The following PIK3C2A variants were observed in gnomAD, a reference collection of about 807,000 sequenced individuals.
PIK3C2A encodes phosphatidylinositol 4-phosphate 3-kinase C2 domain-containing subunit alpha.
In PIK3C2A, 97 loss-of-function variants were observed where a neutral mutation model predicts 204.5. That is an observed-to-expected ratio of 0.47 (90% CI 0.40 to 0.56). The LOEUF is 0.56. PIK3C2A is among the 20% of genes least tolerant of loss of function. PIK3C2A has a pLI of 0.00. For missense variants in PIK3C2A, 1,735 were observed against 1,969.2 expected (o/e 0.88, Z 2.25); for synonymous variants, 653 against 664.4 (o/e 0.98, Z 0.26).
rs1241231530 is a variant in PIK3C2A, at chr11:17,163,547, T to C, written c.1065+5130A>G. On this transcript the variant is annotated intron_variant, in intron 2 of 32. Coordinates refer to ENST00000691414, the MANE Select transcript of PIK3C2A (RefSeq NM_002645.4). ...TTCTTGAGTAGCTGGGACTACAGAA[T>C]AGCTGTAGTCCCAGCGTGCATCACC... Among the ~76,000 whole-genome samples the C allele has an allele frequency of 4.6e-5, 7 of 151,882 alleles. No homozygotes were observed. The East Asian group carries it at 1.2e-3, about 25-fold the overall frequency.
At chr11:17,198,487 T>C (rs1417687116) in intron 1 of PIK3C2A, among the ~76,000 whole-genome samples, 2 of 152,192 alleles carry the variant, frequency 1.3e-5, no homozygotes, top group African/African-American at 4.8e-5. Context: ...CAGATAATAC[T>C]GTGTTTTCAG....
chr11:17,152,947 T>C (rs1467567212), intron 3 of PIK3C2A, among the ~76,000 whole-genome samples: 1 of 152,176 alleles, frequency 6.6e-6, no homozygotes, highest in African/African-American at 2.4e-5. Context: ...GTTGAAGTCC[T>C]TGAAAACATA....
At chr11:17,095,865 C>G (rs907087085) in intron 27 of PIK3C2A, among the ~76,000 whole-genome samples, 1 of 144,208 alleles carries the variant, frequency 6.9e-6, no homozygotes, top group Non-Finnish European at 1.5e-5. Context: ...TTTCAGGAGA[C>G]GAGATTGCGC....
Position 17,168,761 on chromosome 11 carries a change from G to A in PIK3C2A, c.981C>T (p.Ser327=). The A allele has an allele frequency of 6.2e-7, 1 of 1,613,870 alleles. No homozygotes were observed. The highest frequency in any genetic ancestry group is 8.5e-7 in the Non-Finnish European group (1 of 1,179,952). Residue 327 remains serine, a synonymous_variant, in exon 2 of 33, where the codon TCC becomes TCT. Transcript: ENST00000691414. ...CHLERKVNGK[S]LSVATVTRSQ... The stretch of plus-strand genomic sequence containing the variant: ...TTCTTGTAACAGTTGCCACAGAAAG[G>A]GATTTTCCATTCACCTTTCTTTCAA...
Position 17,118,640 on chromosome 11 carries a change from C to A in PIK3C2A, c.3035+5G>T. On this transcript the variant is annotated splice_donor_5th_base_variant and intron_variant, in intron 18 of 32. Transcript: ENST00000691414. ...ATACGGTAATCAATAAAATTTAAAT[C>A]TTACCAATATAAATTGTGTGCTATC... 1 of 1,298,738 alleles carries A rather than the reference C, an allele frequency of 7.7e-7. No homozygotes were observed. Among genetic ancestry groups the A allele is most frequent in the Non-Finnish European group, 1.1e-6 (1 of 901,394 alleles). The allele number at this position is 1,298,738 out of a possible 1,614,324, so 80.5% of individuals were successfully genotyped here. A position where few individuals can be genotyped will look rare whatever the true frequency, so the allele number is the denominator to read the frequency against.
chr11:17,142,961 ATT>A (rs74989804), intron 8 of PIK3C2A, among the ~76,000 whole-genome samples: 6 of 142,242 alleles, frequency 4.2e-5, no homozygotes, highest in Admixed American at 7.1e-5. Flanking sequence ...CGGGGTGGGG[ATT>A]TTTTTTTTTT....
At chr11:17,179,039 A>G (rs1368578225) in intron 1 of PIK3C2A, among the ~76,000 whole-genome samples, 2 of 151,020 alleles carry the variant, frequency 1.3e-5, no homozygotes, top group African/African-American at 2.4e-5. Flanking sequence ...TGATTTTTGT[A>G]TTTTTAGTAG....
At chr11:17,156,049 A>G (rs1286467373) in intron 2 of PIK3C2A, among the ~76,000 whole-genome samples, 1 of 152,194 alleles carries the variant, frequency 6.6e-6, no homozygotes, top group African/African-American at 2.4e-5. Flanking sequence ...CCAAATCCCA[A>G]GAAAGATGGT....
intron 2 of PIK3C2A, among the ~76,000 whole-genome samples, 167 bp downstream of exon 2, chr11:17,168,509 AG>A (rs1454213046): frequency 1.3e-5 from 2 of 152,144 alleles, no homozygotes; most frequent in Non-Finnish European, 2.9e-5. Flanking sequence ...TGAACCTGGG[AG>A]GCGGAGCTTG....
intron 1 of PIK3C2A, among the ~76,000 whole-genome samples, chr11:17,190,106 T>C (rs1851890454): frequency 6.6e-6 from 1 of 151,630 alleles, no homozygotes; most frequent in African/African-American, 2.4e-5. Context: ...CTACTAAAAA[T>C]ACAAAAATTA....
At position 17,130,698 on chromosome 11, in the gene PIK3C2A, T is replaced by C. The variant is rs1289431016; in HGVS notation, c.2231+1218A>G. Among the ~76,000 whole-genome samples, 18 of 149,232 alleles carry C rather than the reference T, an allele frequency of 1.2e-4. No homozygotes were observed. In the Admixed American group the frequency reaches 1.2e-3, roughly 10 times the overall value. On this transcript the variant is annotated intron_variant, in intron 12 of 32. Coordinates refer to ENST00000691414, the MANE Select transcript of PIK3C2A (RefSeq NM_002645.4). ...GGCACACACCTGTAATCTCAGCTAC[T>C]CAGGAGGCTGAGGCAGGAGAATCAC...
intron 13 of PIK3C2A, 96 bp from the exon 14 acceptor site, chr11:17,122,909 C>A (rs1189377776): frequency 1.7e-6 from 1 of 603,026 alleles, no homozygotes; most frequent in Non-Finnish European, 2.9e-6. Context: ...AGTATGAGAT[C>A]AACTAAATAA....
chr11:17,131,793 A>G (rs1031098276), intron 12 of PIK3C2A, 123 bp downstream of exon 12: 90 of 781,338 alleles, frequency 1.2e-4, no homozygotes, highest in East Asian at 8.2e-4. Context: ...ATCTTAAGAC[A>G]TAAGTCAGAA....
chr11:17,110,500 A>G lies in PIK3C2A; in HGVS notation c.3476T>C (p.Ile1159Thr). ...CAGATCTAGTCCTTCTTTAAGCCAG[A>G]TCTTATCCATAATCTTTATCATCTG... is the stretch of plus-strand genomic sequence containing the variant. ...ALQMIKIMDK[I>T]WLKEGLDLRM... The change falls in exon 22 of 33, where the codon ATC (isoleucine) becomes ACC (threonine). Residue 1159 changes from isoleucine to threonine, a missense_variant. Ile to Thr is a moderately conservative substitution (Grantham distance 89, BLOSUM62 -1). Around this residue, in one of 6 missense-constraint regions of PIK3C2A, gnomAD observed 503 missense variants for 669.0 expected, o/e 0.75. Coordinates refer to ENST00000691414, the MANE Select transcript of PIK3C2A (RefSeq NM_002645.4). 1 of 1,609,996 alleles carries G rather than the reference A, an allele frequency of 6.2e-7. No individual in the cohort carries two copies. Among genetic ancestry groups the G allele is most frequent in the South Asian group, 1.1e-5 (1 of 90,934 alleles).
At position 17,105,008 on chromosome 11, in the gene PIK3C2A, C is replaced by T. The variant is rs565265810; in HGVS notation, c.3681+161G>A. On this transcript the variant is annotated intron_variant, in intron 23 of 32. Coordinates refer to ENST00000691414, the MANE Select transcript of PIK3C2A (RefSeq NM_002645.4). ...TCACTCAGATTCCTGCCATTAAATG[C>T]GTCTTGTTTTACATTCTTTCCTATA... is the stretch of plus-strand genomic sequence containing the variant. Among the ~76,000 whole-genome samples the T allele has an allele frequency of 1.6e-3, 249 of 152,222 alleles. 2 individuals are homozygous for T. Among genetic ancestry groups the T allele is most frequent in the South Asian group, 0.011 (53 of 4,826 alleles).
Position 17,105,203 on chromosome 11 carries a change from C to T in PIK3C2A, c.3647G>A (p.Arg1216Lys), listed in dbSNP as rs769579831. 7 of 1,610,752 alleles carry T rather than the reference C, an allele frequency of 4.3e-6. No individual in the cohort carries two copies. The South Asian group carries it at 5.5e-5, about 13-fold the overall frequency. ...FKDKPLAEWLRKYNPSEEEYE... is the reference protein window; with the variant it reads ...FKDKPLAEWLKKYNPSEEEYE... ...TTCTTCTTCAGAGGGATTGTATTTC[C>T]TTAGCCACTCTGCAAGTGGTTTATC... Residue 1216 changes from arginine (R) to lysine (K), a missense_variant, in exon 23 of 33, where the codon AGG (arginine) becomes AAG (lysine). By Grantham distance (26) the Arg-to-Lys change is conservative. Coordinates refer to ENST00000691414, the MANE Select transcript of PIK3C2A (RefSeq NM_002645.4).
At chr11:17,171,718 T>C (rs1851169919) in intron 1 of PIK3C2A, among the ~76,000 whole-genome samples, 2 of 152,216 alleles carry the variant, frequency 1.3e-5, no homozygotes, top group South Asian at 4.1e-4. Context: ...TATGGAACTC[T>C]TGCTACATAT....
chr11:17,157,450 A>G (rs1850634667), intron 2 of PIK3C2A, among the ~76,000 whole-genome samples: 1 of 116,120 alleles, frequency 8.6e-6, no homozygotes, highest in South Asian at 2.6e-4. Flanking sequence ...ACAAAGTGAG[A>G]CTCTGTCTCA....
intron 9 of PIK3C2A, 57 bp from the exon 10 acceptor site, chr11:17,135,216 A>T: frequency 6.5e-7 from 1 of 1,547,618 alleles, no homozygotes; most frequent in Non-Finnish European, 8.9e-7. Context: ...ATAATATAAA[A>T]TGTCAAATAC....
Sources: allele counts gnomAD v4.1 joint callset (sites outside exome capture counted in the v4.1 genomes callset), GRCh38; gene constraint gnomAD v4.1.1; regional missense constraint gnomAD v4.1.1; transcripts MANE v1.5; gene names NCBI Gene and HGNC (gene_info 2026-07-23, HGNC 2026-07-21).